DGKI: variants seen among roughly 807,000 people sequenced by gnomAD.
DGKI encodes diacylglycerol kinase iota.
In DGKI, 55 loss-of-function variants were observed where a neutral mutation model predicts 147.5. The observed-to-expected ratio is 0.37, with a 90% CI of 0.30 to 0.47. The LOEUF (loss-of-function observed/expected upper bound fraction) is 0.47. DGKI is among the 20% of genes least tolerant of loss of function. The probability of loss-of-function intolerance (pLI) is 1.00; values close to 1 mark genes in which losing one functional copy is unlikely to be tolerated. For synonymous variants in DGKI, 469 were observed against 477.1 expected (o/e 0.98, Z 0.22); for missense variants, 1,007 against 1,323.8 (o/e 0.76, Z 3.71).
rs879432351 is a variant in DGKI, at chr7:137,387,324, C to T, written c.*3896G>A. ...ACTCTTGGTCATGAATTTTATGACA[C>T]AGGTAATAGAAAATGCTAAGTGCAA... On this transcript the variant is annotated 3_prime_UTR_variant, in exon 33 of 33. Transcript: ENST00000614521. 1 of 152,078 alleles carries T rather than the reference C, an allele frequency of 6.6e-6. No homozygotes were observed. The highest frequency in any genetic ancestry group is 1.5e-5 in the Non-Finnish European group (1 of 68,026). 9.4% of individuals were successfully genotyped at this position (152,078 alleles called of 1,614,324 possible).
intron 1 of DGKI, among the ~76,000 whole-genome samples, chr7:137,785,562 C>G (rs1055321570): frequency 1.1e-4 from 17 of 151,606 alleles, no homozygotes; most frequent in African/African-American, 3.4e-4. Flanking sequence ...AAAATTAGTA[C>G]CAATCCTATT....
intron 1 of DGKI, among the ~76,000 whole-genome samples, chr7:137,710,744 A>T (rs2116563702): frequency 6.6e-6 from 1 of 152,248 alleles, no homozygotes; most frequent in African/African-American, 2.4e-5. Flanking sequence ...GAACACACAC[A>T]CACAAAAATC....
chr7:137,505,164 A>G (rs534943922), intron 21 of DGKI, among the ~76,000 whole-genome samples: 14 of 152,144 alleles, frequency 9.2e-5, no homozygotes, highest in Non-Finnish European at 2.1e-4. Context: ...GAAAAAACAA[A>G]AAGAAAACTG....
At chr7:137,789,616 GA>G (rs766080292) in intron 1 of DGKI, among the ~76,000 whole-genome samples, 7 of 150,346 alleles carry the variant, frequency 4.7e-5, no homozygotes, top group Admixed American at 2.7e-4. Flanking sequence ...AATGAAGGAG[GA>G]AAAAAAAACA....
At chr7:137,711,339 A>C (rs1794206547) in intron 1 of DGKI, among the ~76,000 whole-genome samples, 1 of 152,220 alleles carries the variant, frequency 6.6e-6, no homozygotes. Context: ...ATATAAAGGC[A>C]ACTCAAATGT....
intron 28 of DGKI, among the ~76,000 whole-genome samples, chr7:137,416,774 T>C (rs1812378445): frequency 6.6e-6 from 1 of 152,232 alleles, no homozygotes; most frequent in African/African-American, 2.4e-5. Context: ...CAAGCATTGT[T>C]ATTTATGTTT....
chr7:137,521,226 G>T (rs1816949528), intron 21 of DGKI, among the ~76,000 whole-genome samples: 2 of 152,024 alleles, frequency 1.3e-5, no homozygotes, highest in African/African-American at 2.4e-5. Flanking sequence ...ATTGTAAAAA[G>T]TGTCCAATAC....
chr7:137,832,651 T>C (rs1798252421), intron 1 of DGKI, among the ~76,000 whole-genome samples: 1 of 152,230 alleles, frequency 6.6e-6, no homozygotes, highest in South Asian at 2.1e-4. Context: ...ACCTCTGACA[T>C]GCCCTGGAGA....
intron 27 of DGKI, among the ~76,000 whole-genome samples, chr7:137,455,085 A>G (rs980974438): frequency 6.6e-6 from 1 of 152,162 alleles, no homozygotes; most frequent in African/African-American, 2.4e-5. Flanking sequence ...GGAAATCCAA[A>G]TAAGGACTTC....
At chr7:137,643,086 T>C (rs983993909) in intron 6 of DGKI, among the ~76,000 whole-genome samples, 1 of 151,336 alleles carries the variant, frequency 6.6e-6, no homozygotes, top group African/African-American at 2.4e-5. Context: ...GGTCAGGAGA[T>C]CGAGACCATC....
intron 1 of DGKI, among the ~76,000 whole-genome samples, chr7:137,744,130 G>C (rs1294892234): frequency 6.6e-6 from 1 of 151,828 alleles, no homozygotes; most frequent in African/African-American, 2.4e-5. Context: ...GGATAAATAA[G>C]ATTAATGGAC....
chr7:137,661,889 C>T (rs1215234282), intron 3 of DGKI, among the ~76,000 whole-genome samples: 4 of 152,178 alleles, frequency 2.6e-5, no homozygotes. Flanking sequence ...TGTCAGGAAT[C>T]TGGTGTCCTC....
At chr7:137,508,219 C>CTTTTT (rs1171968411) in intron 21 of DGKI, among the ~76,000 whole-genome samples, 15 of 92,534 alleles carry the variant, frequency 1.6e-4, no homozygotes, top group African/African-American at 3.1e-4. Flanking sequence ...AGACAGGTTT[C>CTTTTT]TTTTTTTTTT....
intron 21 of DGKI, among the ~76,000 whole-genome samples, chr7:137,509,992 G>C (rs555392041): frequency 1.3e-5 from 2 of 152,322 alleles, no homozygotes; most frequent in African/African-American, 4.8e-5. Flanking sequence ...TCTGAACAAA[G>C]ACAAAAGTTG....
rs1238834453 is a variant in DGKI, at chr7:137,656,494, T to C, written c.653A>G (p.His218Arg). 5.6e-6 allele frequency: 9 copies of C among 1,614,196 alleles called. No individual in the cohort carries two copies. Among genetic ancestry groups the C allele is most frequent in the Non-Finnish European group, 7.6e-6 (9 of 1,180,022 alleles). Residue 218 changes from histidine to arginine, a missense_variant, in exon 4 of 33, where the codon CAC (histidine) becomes CGC (arginine). This residue lies in a region of DGKI where 259 missense variants were observed against 362.5 expected (regional missense o/e 0.71). Transcript: ENST00000614521. ...RKCAVCKIVV[H>R]TACIEQLEKI... The stretch of plus-strand genomic sequence containing the variant: ...TTCTAGCTGCTCAATGCAGGCGGTG[T>C]GGACGACGATTTTACAGACTGCACA...
chr7:137,602,293 A>G (rs1040906588), intron 10 of DGKI, among the ~76,000 whole-genome samples: 4 of 152,206 alleles, frequency 2.6e-5, no homozygotes, highest in South Asian at 2.1e-4. Context: ...GGTAACTAAC[A>G]TCTTCCAAAA....
chr7:137,585,264 T>A lies in DGKI; in HGVS notation c.1508A>T (p.His503Leu), dbSNP rs1819348333. The part of the protein sequence containing the change: ...TVVQLDRWNL[H>L]VERNPDLPPE... Reference sequence around the variant, plus strand: ...AGGCAAGTCGGGGTTTCTTTCCACATGGAGGTTCCAGCGATCTAGCTGTAC... The same window carrying A: ...AGGCAAGTCGGGGTTTCTTTCCACAAGGAGGTTCCAGCGATCTAGCTGTAC... The change falls in exon 14 of 33, where the codon CAT (histidine) becomes CTT (leucine). Residue 503 changes from histidine to leucine, a missense_variant. By Grantham distance (99) the His-to-Leu change is moderately conservative (BLOSUM62 -3). Coordinates refer to ENST00000614521, the MANE Select transcript of DGKI (RefSeq NM_001321708.2). The A allele has an allele frequency of 1.2e-6, 2 of 1,614,172 alleles. No individual in the cohort carries two copies. The highest frequency in any genetic ancestry group is 1.7e-6 in the Non-Finnish European group (2 of 1,180,018).
At position 137,549,308 on chromosome 7, in the gene DGKI, T is replaced by A. The variant is rs184978321; in HGVS notation, c.2147+3061A>T. 9.2e-5 allele frequency among the ~76,000 whole-genome samples: 14 copies of A among 152,238 alleles called. No individual in the cohort carries two copies. The East Asian group carries it at 2.7e-3, about 29-fold the overall frequency. On this transcript the variant is annotated intron_variant, in intron 20 of 32. Transcript: ENST00000614521. ...GAAAATTCTGGGCTGAAGACACAGA[T>A]CAGAGATACAGTCTCCCAGAGAAAG...
At chr7:137,625,950 G>C (rs1350907274) in intron 6 of DGKI, among the ~76,000 whole-genome samples, 1 of 152,030 alleles carries the variant, frequency 6.6e-6, no homozygotes, top group Non-Finnish European at 1.5e-5. Context: ...ATGTGAAAAG[G>C]CCTCAATAAA....
Sources: gnomAD v4.1 joint callset for allele counts (sites outside exome capture counted in the v4.1 genomes callset) on GRCh38, gnomAD v4.1.1 for gene constraint, gnomAD v4.1.1 regional missense constraint, MANE v1.5 for transcripts, NCBI Gene and HGNC (gene_info 2026-07-23, HGNC 2026-07-21) for gene names.